OSBP: variants seen among roughly 807,000 people sequenced by gnomAD.
OSBP encodes oxysterol-binding protein 1.
OSBP carries 32 observed loss-of-function variants against 96.6 expected under a neutral mutation model. The observed-to-expected ratio is 0.33, with a 90% CI of 0.25 to 0.45. The LOEUF (loss-of-function observed/expected upper bound fraction) is 0.45, where lower values mean the gene tolerates loss of function less well. OSBP is among the 20% of genes least tolerant of loss of function. The pLI is 1.00. For missense variants in OSBP, 653 were observed against 1,029.7 expected, an observed-to-expected ratio of 0.63 and a Z score of 5.01; for synonymous variants, 369 against 389.6, an observed-to-expected ratio of 0.95 and a Z score of 0.62.
intron 9 of OSBP, among the ~76,000 whole-genome samples, chr11:59,588,146 CTA>C (rs1347182573): frequency 2.6e-5 from 4 of 152,200 alleles, no homozygotes; most frequent in African/African-American, 9.7e-5. Flanking sequence ...CAGACAAAAA[CTA>C]TATGATTCCA....
intron 3 of OSBP, among the ~76,000 whole-genome samples, chr11:59,607,515 T>C (rs1349105146): frequency 1.3e-5 from 2 of 152,244 alleles, no homozygotes; most frequent in Admixed American, 1.3e-4. Flanking sequence ...AAAACGATAC[T>C]TTCCCATGGT....
At chr11:59,604,370 A>C (rs903452412) in intron 3 of OSBP, among the ~76,000 whole-genome samples, 1 of 151,954 alleles carries the variant, frequency 6.6e-6, no homozygotes, top group African/African-American at 2.4e-5. Flanking sequence ...AACATACAAG[A>C]CCCCATCTCT....
chr11:59,588,482 G>A (rs551293530), intron 9 of OSBP, among the ~76,000 whole-genome samples: 1 of 150,988 alleles, frequency 6.6e-6, no homozygotes, highest in East Asian at 2.0e-4. Flanking sequence ...GTTGCAGTGA[G>A]CTGAGATCAT....
At chr11:59,614,263 A>C (rs1448702283) in intron 1 of OSBP, among the ~76,000 whole-genome samples, 1 of 152,210 alleles carries the variant, frequency 6.6e-6, no homozygotes, top group South Asian at 2.1e-4. Flanking sequence ...AAACCTTGGG[A>C]AAGTTGCCCA....
rs1860419807 is a variant in OSBP at position 59,581,501 on chromosome 11, C to T, written c.1732G>A (p.Val578Ile). The change falls in exon 10 of 14, where the codon GTT (valine) becomes ATT (isoleucine). Residue 578 changes from valine to isoleucine, a missense_variant. Transcript: ENST00000263847. ...ATAATGTTGTGTACAGTTGTGGTAA[C>T]TTTCTTCCAAGTGTAGTGGTGCCCA... ...ATGHHYTWKK[V>I]TTTVHNIIVG... 6.2e-7 allele frequency: 1 copy of T among 1,613,208 alleles called. No homozygotes were observed. The highest frequency in any genetic ancestry group is 1.3e-5 in the African/African-American group (1 of 75,016).
chr11:59,587,664 T>C (rs1230372644), intron 9 of OSBP, among the ~76,000 whole-genome samples: 1 of 152,212 alleles, frequency 6.6e-6, no homozygotes, highest in African/African-American at 2.4e-5. Context: ...AGGATAGCTA[T>C]GATACATTTT....
At chr11:59,587,442 C>A (rs1860513700) in intron 9 of OSBP, among the ~76,000 whole-genome samples, 1 of 151,000 alleles carries the variant, frequency 6.6e-6, no homozygotes, top group Non-Finnish European at 1.5e-5. Flanking sequence ...GTGGAGGTTG[C>A]AGTGAGCCAA....
intron 11 of OSBP, 41 bp downstream of exon 11, chr11:59,580,133 T>C (rs1860403730): frequency 1.5e-6 from 2 of 1,300,752 alleles, no homozygotes; most frequent in Non-Finnish European, 2.2e-6. Flanking sequence ...TTCTAAGAGA[T>C]ACATGCTACG....
rs202156177 is a variant in OSBP, at chr11:59,576,586, G to A, written c.2415C>T (p.Asp805=). ...KEKQDWSSCP[D]IF ...TTTTGTTACTGCCGTTTCAGAAAAT[G>A]TCCGGGCATGAGCTCCAGTCCTGTT... Residue 805 remains aspartate, a synonymous_variant, in exon 14 of 14, where the codon GAC becomes GAT. Coordinates refer to ENST00000263847, the MANE Select transcript of OSBP (RefSeq NM_002556.3). 58 of 1,613,074 alleles carry A rather than the reference G, an allele frequency of 3.6e-5. 1 individual carries two copies. The highest frequency in any genetic ancestry group is 2.0e-4 in the South Asian group (18 of 90,876).
chr11:59,585,351 G>A (rs1298742986), intron 9 of OSBP, among the ~76,000 whole-genome samples: 11 of 134,892 alleles, frequency 8.2e-5, no homozygotes, highest in South Asian at 2.6e-4. Flanking sequence ...GGTGAGGAGC[G>A]TCTCTGCCCG....
intron 9 of OSBP, among the ~76,000 whole-genome samples, chr11:59,588,849 A>G (rs10896985): frequency 0.55 from 83,054 of 151,536 alleles, 23,209 homozygotes; most frequent in Middle Eastern, 0.61. Flanking sequence ...CTACTAAAAT[A>G]CAAAAGTTAG....
intron 3 of OSBP, among the ~76,000 whole-genome samples, chr11:59,605,628 CACTCG>C (rs1194026526): frequency 6.6e-6 from 1 of 152,174 alleles, no homozygotes; most frequent in East Asian, 1.9e-4. Context: ...TCAGGTGATC[CACTCG>C]ACTCGGCCTC....
chr11:59,594,040 C>T lies in OSBP; in HGVS notation c.1527G>A (p.Glu509=), dbSNP rs1860618197. 7 of 1,613,954 alleles carry T rather than the reference C, an allele frequency of 4.3e-6. No individual in the cohort carries two copies. In the South Asian group the frequency reaches 7.7e-5, roughly 18 times the overall value. ...CACAGAGGGATCGGTACCCATTCTC[C>T]TCTAATCGGTCCAGCTCAAAGGTCT... ...LGETFELDRL[E]ENGYRSLCEQ... is the part of the protein sequence containing the mutation. The change falls in exon 8 of 14, where the codon GAG becomes GAA. Residue 509 remains glutamate, a synonymous_variant. Coordinates refer to ENST00000263847, the MANE Select transcript of OSBP (RefSeq NM_002556.3).
chr11:59,578,598 T>C (rs1311714478), intron 11 of OSBP, among the ~76,000 whole-genome samples: 1 of 152,186 alleles, frequency 6.6e-6, no homozygotes, highest in Non-Finnish European at 1.5e-5. Flanking sequence ...TACAGGCATG[T>C]GCCACCATAT....
chr11:59,578,395 A>T lies in OSBP; in HGVS notation c.1879-65T>A, dbSNP rs1397091788. On this transcript the variant is annotated intron_variant, in intron 11 of 13. Transcript: ENST00000263847. ...ACTGTGAATTAGCTTACCTGACTAT[A>T]CTGGAAGTCCTAGGATAAATAATGG... 5 of 1,472,672 alleles carry T rather than the reference A, an allele frequency of 3.4e-6. No homozygotes were observed. The Admixed American group carries it at 9.0e-5, about 27-fold the overall frequency. 91.2% of individuals were successfully genotyped at this position (1,472,672 alleles called of 1,614,324 possible).
chr11:59,600,320 C>G (rs1450585187), intron 7 of OSBP, among the ~76,000 whole-genome samples, 176 bp downstream of exon 7: 1 of 152,128 alleles, frequency 6.6e-6, no homozygotes, highest in Admixed American at 6.5e-5. Flanking sequence ...GGGAACATAT[C>G]AGATCCAGAG....
chr11:59,581,581 T>A, intron 9 of OSBP, 27 bp from the exon 10 acceptor site: 2 of 1,384,608 alleles, frequency 1.4e-6, no homozygotes, highest in Non-Finnish European at 2.1e-6. Flanking sequence ...GTATCCAAAT[T>A]AAGCCAAATG....
rs539300112 is a variant in OSBP, at chr11:59,575,893, A to G, written c.*684T>C. ...ATGACCAAAGTGGTCTCCAGTTGCT[A>G]TTAAAGATGATGGAGAACAACAGAG... On this transcript the variant is annotated 3_prime_UTR_variant, in exon 14 of 14. Transcript: ENST00000263847. 1 of 152,324 alleles carries G rather than the reference A, an allele frequency of 6.6e-6. No individual in the cohort carries two copies. Among genetic ancestry groups the G allele is most frequent in the African/African-American group, 2.4e-5 (1 of 41,552 alleles). The allele number at this position is 152,324 out of a possible 1,614,324, so 9.4% of individuals were successfully genotyped here.
chr11:59,590,821 C>T (rs183266626), intron 9 of OSBP, among the ~76,000 whole-genome samples: 7 of 152,310 alleles, frequency 4.6e-5, no homozygotes, highest in Non-Finnish European at 8.8e-5. Context: ...CTACATGATT[C>T]GCCTTCCAAG....
Sources: gnomAD v4.1 joint callset for allele counts (sites outside exome capture counted in the v4.1 genomes callset) on GRCh38, gnomAD v4.1.1 for gene constraint, MANE v1.5 for transcripts, NCBI Gene and HGNC (gene_info 2026-07-23, HGNC 2026-07-21) for gene names.